The following ESR1 variants were observed in gnomAD, a reference collection of about 807,000 sequenced individuals.
The protein encoded by ESR1 is estrogen receptor.
A neutral mutation model predicts 52.7 loss-of-function variants in ESR1; 12 were observed. The observed-to-expected ratio is 0.23, with a 90% confidence interval of 0.15 to 0.37. The LOEUF is 0.37. Among genes scored for constraint, ESR1 ranks in the 10% least tolerant of loss-of-function variants. The pLI, the probability that ESR1 is intolerant of heterozygous loss-of-function variation, is 1.00. For synonymous variants in ESR1, 305 were observed against 316.8 expected (o/e 0.96, Z 0.39); for missense variants, 584 against 779.7 (o/e 0.75, Z 2.99).
intron 4 of ESR1, among the ~76,000 whole-genome samples, chr6:151,955,712 C>T (rs1011108100): frequency 6.6e-6 from 1 of 152,136 alleles, no homozygotes; most frequent in Non-Finnish European, 1.5e-5. Flanking sequence ...GTGCTAGGAA[C>T]TGTTATTTAA....
At chr6:151,780,147 A>G (rs1331476540) in intron 2 of ESR1, among the ~76,000 whole-genome samples, 1 of 152,018 alleles carries the variant, frequency 6.6e-6, no homozygotes, top group Non-Finnish European at 1.5e-5. Context: ...GAGTTCCACA[A>G]GTTCTATAAT....
At chr6:151,799,510 T>A (rs1777022870), upstream of ESR1, among the ~76,000 whole-genome samples, 5 of 152,188 alleles carry the variant, frequency 3.3e-5, no homozygotes, top group Admixed American at 3.3e-4. Context: ...AGTTTACAAG[T>A]TCATTGTTCA....
At chr6:151,932,932 T>C (rs1345641001) in intron 3 of ESR1, among the ~76,000 whole-genome samples, 4 of 151,220 alleles carry the variant, frequency 2.6e-5, no homozygotes, top group Non-Finnish European at 4.4e-5. Flanking sequence ...GACTTGGCGA[T>C]GTGGGCTCTT....
At chr6:151,811,562 A>G (rs2128166638) in intron 1 of ESR1, among the ~76,000 whole-genome samples, 1 of 152,310 alleles carries the variant, frequency 6.6e-6, no homozygotes, top group East Asian at 1.9e-4. Context: ...GGCCATCTGC[A>G]TATTTTGGAC....
At chr6:151,974,111 T>C (rs913543574) in intron 4 of ESR1, among the ~76,000 whole-genome samples, 1 of 152,186 alleles carries the variant, frequency 6.6e-6, no homozygotes, top group Non-Finnish European at 1.5e-5. Context: ...CAACCCCTGA[T>C]TTAAAACAAA....
intron 4 of ESR1, among the ~76,000 whole-genome samples, chr6:152,007,556 G>C (rs1233969357): frequency 2.0e-5 from 3 of 151,918 alleles, no homozygotes; most frequent in Non-Finnish European, 4.4e-5. Flanking sequence ...ACTATTACTG[G>C]GACTTGTGAA....
At chr6:152,074,796 T>C (rs2048603164) in intron 6 of ESR1, among the ~76,000 whole-genome samples, 1 of 152,214 alleles carries the variant, frequency 6.6e-6, no homozygotes, top group African/African-American at 2.4e-5. Flanking sequence ...ACAGGTGTAT[T>C]GTGGTATCTC....
chr6:152,119,723 T>C (rs532495810), intron 6 of ESR1, among the ~76,000 whole-genome samples: 1 of 152,340 alleles, frequency 6.6e-6, no homozygotes, highest in Admixed American at 6.5e-5. Context: ...TACTATTCTT[T>C]AAACCATCCC....
chr6:151,839,621 A>G (rs3853251), intron 1 of ESR1, among the ~76,000 whole-genome samples: 38,507 of 152,212 alleles, frequency 0.25, 5,494 homozygotes, highest in Middle Eastern at 0.38. Flanking sequence ...ATGGGTAAAC[A>G]AAGTCTGTGT....
At chr6:152,079,396 G>T (rs543079232) in intron 6 of ESR1, among the ~76,000 whole-genome samples, 2 of 152,324 alleles carry the variant, frequency 1.3e-5, no homozygotes, top group East Asian at 1.9e-4. Flanking sequence ...CAGCTGAGGG[G>T]CCTGACGGTT....
chr6:151,693,046 G>C (rs559523250), intron 1 of ESR1, among the ~76,000 whole-genome samples: 1 of 152,158 alleles, frequency 6.6e-6, no homozygotes, highest in Non-Finnish European at 1.5e-5. Context: ...GCAATTTAGA[G>C]GCAGATTATT....
chr6:151,659,561 C>T (rs560635130), intron 1 of ESR1, among the ~76,000 whole-genome samples: 4 of 152,228 alleles, frequency 2.6e-5, no homozygotes, highest in South Asian at 2.1e-4. Context: ...ATTGGCATTC[C>T]GATTTATCTA....
intron 1 of ESR1, among the ~76,000 whole-genome samples, chr6:151,824,891 AG>A (rs1256809912): frequency 1.2e-4 from 18 of 151,736 alleles, no homozygotes; most frequent in Non-Finnish European, 2.6e-4. Flanking sequence ...ACTGCACTCC[AG>A]GCTGGGCAAC....
intron 6 of ESR1, among the ~76,000 whole-genome samples, chr6:152,084,484 A>T (rs1481952169): frequency 4.6e-5 from 7 of 152,152 alleles, no homozygotes; most frequent in Admixed American, 4.6e-4. Flanking sequence ...CCACGATTCT[A>T]AGGCCTCTCA....
At chr6:151,789,149 T>C (rs1787295762) in intron 2 of ESR1, among the ~76,000 whole-genome samples, 1 of 152,148 alleles carries the variant, frequency 6.6e-6, no homozygotes. Context: ...TTGGTGAGGA[T>C]GTGGAGAAAA....
chr6:151,848,956 A>G (rs1230358954), intron 2 of ESR1, among the ~76,000 whole-genome samples: 1 of 151,536 alleles, frequency 6.6e-6, no homozygotes, highest in Non-Finnish European at 1.5e-5. Flanking sequence ...ATTTTTATTT[A>G]TTTTTTGCTA....
intron 2 of ESR1, among the ~76,000 whole-genome samples, chr6:151,756,583 T>G (rs915327090): frequency 1.3e-5 from 2 of 152,242 alleles, no homozygotes; most frequent in African/African-American, 4.8e-5. Context: ...GAGGGTAGAC[T>G]TCTTTGTTTT....
intron 2 of ESR1, among the ~76,000 whole-genome samples, chr6:151,732,695 C>A (rs17081632): frequency 2.6e-5 from 4 of 152,014 alleles, no homozygotes; most frequent in East Asian, 1.9e-4. Context: ...ATGATAAAAA[C>A]GCTTTTTGGG....
At chr6:151,686,216 T>A (rs927110376), upstream of ESR1, among the ~76,000 whole-genome samples, 2 of 152,066 alleles carry the variant, frequency 1.3e-5, no homozygotes, top group African/African-American at 2.4e-5. Context: ...TTTAAAAAAA[T>A]TTGAAGAAAG....
Sources: gnomAD v4.1 joint callset for allele counts (sites outside exome capture counted in the v4.1 genomes callset) on GRCh38, gnomAD v4.1.1 for gene constraint, MANE v1.5 for transcripts, NCBI Gene and HGNC (gene_info 2026-07-23, HGNC 2026-07-21) for gene names.